Variants in CDHR3 observed in about 807,000 individuals in gnomAD.
The protein encoded by CDHR3 is cadherin-related family member 3.
A neutral mutation model predicts 86.6 loss-of-function variants in CDHR3; 79 were observed. The observed-to-expected ratio is 0.91, with a 90% CI of 0.76 to 1.10. The LOEUF is 1.10. CDHR3 is among the 50% of genes least tolerant of loss of function. The probability of loss-of-function intolerance (pLI) is 0.00; values close to 1 mark genes in which losing one functional copy is unlikely to be tolerated. For synonymous variants in CDHR3, 421 were observed against 402.4 expected (o/e 1.05, Z -0.55); for missense variants, 1,081 against 1,077.6 (o/e 1.00, Z -0.04).
At chr7:106,020,043 G>A (rs890132739) in intron 12 of CDHR3, among the ~76,000 whole-genome samples, 1 of 145,804 alleles carries the variant, frequency 6.9e-6, no homozygotes, top group Non-Finnish European at 1.5e-5. Context: ...GCATGTGTGT[G>A]TGTGTGGGGG....
intron 16 of CDHR3, 28 bp downstream of exon 16, chr7:106,026,723 T>G (rs775949606): frequency 6.2e-7 from 1 of 1,613,162 alleles, no homozygotes; most frequent in East Asian, 2.2e-5. Context: ...TTCCCTTGTC[T>G]GTTGTTTTTT....
chr7:106,006,665 A>G (rs6960586), intron 8 of CDHR3, among the ~76,000 whole-genome samples: 30,140 of 152,184 alleles, frequency 0.2, 3,394 homozygotes, highest in African/African-American at 0.29. Context: ...GTGGGTTCCC[A>G]TGATCTTGGG....
At chr7:105,980,629 T>G (rs1829583158) in intron 2 of CDHR3, among the ~76,000 whole-genome samples, 2 of 146,646 alleles carry the variant, frequency 1.4e-5, no homozygotes, top group Non-Finnish European at 3.0e-5. Flanking sequence ...TTTAATTTTT[T>G]TTTTTTTTTA....
intron 1 of CDHR3, among the ~76,000 whole-genome samples, chr7:105,969,964 A>G (rs1306920413): frequency 3.3e-5 from 5 of 152,136 alleles, no homozygotes; most frequent in Admixed American, 2.0e-4. Flanking sequence ...GACCAGCCTA[A>G]GGTCACACAG....
intron 3 of CDHR3, among the ~76,000 whole-genome samples, chr7:105,982,378 A>T (rs1272195332): frequency 6.7e-6 from 1 of 148,746 alleles, no homozygotes; most frequent in Admixed American, 6.7e-5. Flanking sequence ...CTGAGGCAGG[A>T]GAATGGCATG....
At chr7:106,027,842 G>A (rs1197107534) in intron 16 of CDHR3, among the ~76,000 whole-genome samples, 1 of 151,880 alleles carries the variant, frequency 6.6e-6, no homozygotes, top group African/African-American at 2.4e-5. Context: ...AAGGGGATGG[G>A]GGCTGGGCAT....
At chr7:105,996,540 C>G (rs146976293) in intron 6 of CDHR3, among the ~76,000 whole-genome samples, 186 bp downstream of exon 6, 3 of 152,312 alleles carry the variant, frequency 2.0e-5, no homozygotes, top group African/African-American at 7.2e-5. Flanking sequence ...TCCACCTTTG[C>G]TGCCTCTGCC....
At chr7:105,996,453 C>T (rs1273716573) in intron 6 of CDHR3, 99 bp downstream of exon 6, 16 of 621,222 alleles carry the variant, frequency 2.6e-5, no homozygotes, top group Non-Finnish European at 4.0e-5. Context: ...AGAGGGATGC[C>T]CTTTGCTGTG....
At chr7:105,999,067 G>A (rs1832717230) in intron 6 of CDHR3, among the ~76,000 whole-genome samples, 1 of 152,228 alleles carries the variant, frequency 6.6e-6, no homozygotes, top group Non-Finnish European at 1.5e-5. Flanking sequence ...GTGGCCACTG[G>A]CCCAAGCTCT....
intron 3 of CDHR3, among the ~76,000 whole-genome samples, chr7:105,982,737 C>G (rs191215762): frequency 6.6e-6 from 1 of 152,118 alleles, no homozygotes; most frequent in East Asian, 1.9e-4. Context: ...AATCACAGCA[C>G]TTTGGGAGGC....
intron 2 of CDHR3, among the ~76,000 whole-genome samples, chr7:105,977,547 A>T (rs913085443): frequency 3.3e-5 from 5 of 152,182 alleles, no homozygotes; most frequent in Admixed American, 3.3e-4. Context: ...TGGTACTAAG[A>T]TGGGCCACAG....
intron 4 of CDHR3, among the ~76,000 whole-genome samples, chr7:105,994,293 T>C (rs1188857244): frequency 6.6e-6 from 1 of 151,872 alleles, no homozygotes; most frequent in East Asian, 1.9e-4. Flanking sequence ...TAAATAGGTA[T>C]AGTAGCTGTA....
rs1830280017 is a variant in CDHR3, at chr7:105,984,790, A to G, written c.513+501A>G. 2.0e-5 allele frequency among the ~76,000 whole-genome samples: 3 copies of G among 152,226 alleles called. No homozygotes were observed. The South Asian group carries it at 6.2e-4, about 31-fold the overall frequency. On this transcript the variant is annotated intron_variant, in intron 4 of 18. Coordinates refer to ENST00000317716, the MANE Select transcript of CDHR3 (RefSeq NM_152750.5). ...AGAGCCAAGTTTAAAAAATTAAAAA[A>G]GAGGCCAGATGCAGCGGCTCATGCC...
chr7:106,015,845 C>T, intron 10 of CDHR3, 82 bp from the exon 11 acceptor site: 1 of 1,037,346 alleles, frequency 9.6e-7, no homozygotes, highest in South Asian at 1.4e-5. Context: ...AGCCTGTACA[C>T]AGGAGATTCT....
intron 4 of CDHR3, among the ~76,000 whole-genome samples, chr7:105,988,112 C>T (rs1403866167): frequency 6.6e-6 from 1 of 152,182 alleles, no homozygotes; most frequent in African/African-American, 2.4e-5. Context: ...TGGTCTCAAA[C>T]TCTTGGGGTC....
intron 17 of CDHR3, among the ~76,000 whole-genome samples, chr7:106,029,543 CCTCTGTCTCTCTCT>C (rs1422037094): frequency 3.1e-5 from 3 of 96,512 alleles, no homozygotes; most frequent in South Asian, 3.2e-4. Flanking sequence ...CTCTCCTCCA[CCTCTGTCTCTCTCT>C]CTCTCTCTCT....
chr7:105,964,642 TA>T (rs1408182747), intron 1 of CDHR3, among the ~76,000 whole-genome samples: 1 of 151,992 alleles, frequency 6.6e-6, no homozygotes, highest in African/African-American at 2.4e-5. Context: ...TATTTCTAAA[TA>T]AAAATATAAT....
chr7:105,984,918 G>A (rs908384204), intron 4 of CDHR3, among the ~76,000 whole-genome samples: 1 of 152,086 alleles, frequency 6.6e-6, no homozygotes, highest in African/African-American at 2.4e-5. Context: ...AATTAGCTGG[G>A]CATGATGGTG....
chr7:106,009,573 T>TG (rs937183082), intron 8 of CDHR3, among the ~76,000 whole-genome samples: 10 of 152,280 alleles, frequency 6.6e-5, no homozygotes, highest in Admixed American at 2.0e-4. Flanking sequence ...TGAGAGCAGG[T>TG]GGCAGAGCGG....
Sources: allele counts gnomAD v4.1 joint callset (sites outside exome capture counted in the v4.1 genomes callset), GRCh38; gene constraint gnomAD v4.1.1; transcripts MANE v1.5; gene names NCBI Gene and HGNC (gene_info 2026-07-23, HGNC 2026-07-21).